SORL1: variants seen among roughly 807,000 people sequenced by gnomAD.
The protein encoded by SORL1 is sortilin-related receptor.
Under a neutral mutation model 273.7 loss-of-function variants are expected in SORL1, and 127 were observed. That is an observed-to-expected ratio of 0.46 (90% CI 0.40 to 0.54). SORL1 has a LOEUF of 0.54. SORL1 is among the 20% of genes least tolerant of loss of function. The pLI, the probability that SORL1 is intolerant of heterozygous loss-of-function variation, is 0.00. For synonymous variants in SORL1, 1,031 were observed against 1,067.4 expected (o/e 0.97, Z 0.66); for missense variants, 2,494 against 2,846.1 (o/e 0.88, Z 2.81).
At chr11:121,494,951 G>A (rs1861606399) in intron 5 of SORL1, among the ~76,000 whole-genome samples, 1 of 152,188 alleles carries the variant, frequency 6.6e-6, no homozygotes, top group Non-Finnish European at 1.5e-5. Flanking sequence ...GCCCACACAT[G>A]CACACAGAGG....
chr11:121,540,533 A>AAAAAAAAAAAAAAAAAAAAAAAAAAAG (rs1185886851), intron 12 of SORL1, among the ~76,000 whole-genome samples: 1 of 150,614 alleles, frequency 6.6e-6, no homozygotes, highest in Non-Finnish European at 1.5e-5. Context: ...AAAAAAAAAA[A>AAAAAAAAAAAAAAAAAAAAAAAAAAAG]AAAGAATGCA....
Position 121,604,267 on chromosome 11 carries a change from G to C in SORL1, c.4594G>C (p.Glu1532Gln). Residue 1532 changes from glutamate to glutamine, a missense_variant, in exon 33 of 48, where the codon GAG (glutamate) becomes CAG (glutamine). Physicochemically the swap from Glu to Gln is conservative, Grantham distance 29. Around this residue, in one of 3 missense-constraint regions of SORL1, gnomAD observed 1,609 missense variants for 1,816.4 expected, o/e 0.89. Coordinates refer to ENST00000260197, the MANE Select transcript of SORL1 (RefSeq NM_003105.6). ...EDGEACIVLS[E>Q]RCDGFLDCSD... ...CGGGGAGGCCTGCATTGTGCTCTCG[G>C]AGCGCTGCGACGGCTTCCTGGACTG... 1.2e-6 allele frequency: 2 copies of C among 1,614,096 alleles called. No homozygotes were observed. The highest frequency in any genetic ancestry group is 1.7e-6 in the Non-Finnish European group (2 of 1,180,026).
At chr11:121,553,906 CA>C in intron 16 of SORL1, 30 bp from the exon 17 acceptor site, 1 of 1,598,636 alleles carries the variant, frequency 6.3e-7, no homozygotes. Flanking sequence ...CCCCTGGGTC[CA>C]ACCTCCCACG....
chr11:121,501,458 C>A (rs968517474), intron 6 of SORL1, among the ~76,000 whole-genome samples: 2 of 152,110 alleles, frequency 1.3e-5, no homozygotes, highest in Non-Finnish European at 1.5e-5. Flanking sequence ...TAATGGAAAT[C>A]ATACAATTTG....
At chr11:121,555,146 T>C (rs1334976259) in intron 17 of SORL1, 41 bp from the exon 18 acceptor site, 1 of 1,582,350 alleles carries the variant, frequency 6.3e-7, no homozygotes, top group Non-Finnish European at 8.6e-7. Flanking sequence ...GGGGGTCGTT[T>C]GAACAGTTCC....
chr11:121,532,377 G>T (rs1032633793), intron 11 of SORL1, 87 bp from the exon 12 acceptor site: 2 of 1,154,286 alleles, frequency 1.7e-6, no homozygotes, highest in Non-Finnish European at 2.6e-6. Flanking sequence ...CTATGTGCAC[G>T]TGTGTGCATG....
intron 12 of SORL1, among the ~76,000 whole-genome samples, chr11:121,538,660 G>T (rs1348735067): frequency 2.0e-5 from 3 of 150,848 alleles, no homozygotes; most frequent in Non-Finnish European, 3.0e-5. Flanking sequence ...ATTTTTTTTT[G>T]GTTTGAATTG....
At chr11:121,459,162 G>C (rs1860951856) in intron 1 of SORL1, among the ~76,000 whole-genome samples, 1 of 152,228 alleles carries the variant, frequency 6.6e-6, no homozygotes, top group Admixed American at 6.5e-5. Context: ...CCATTGAGCA[G>C]GTGAAATGTG....
intron 24 of SORL1, among the ~76,000 whole-genome samples, chr11:121,574,752 G>A (rs1404305038): frequency 2.6e-5 from 4 of 152,124 alleles, no homozygotes; most frequent in Non-Finnish European, 5.9e-5. Flanking sequence ...ATTAGCCTTT[G>A]TTTTCTAGTC....
chr11:121,511,037 T>G (rs1052304746), intron 6 of SORL1, among the ~76,000 whole-genome samples: 3 of 152,142 alleles, frequency 2.0e-5, no homozygotes, highest in African/African-American at 7.2e-5. Context: ...TAATCACTAG[T>G]GTGCCATAGT....
chr11:121,570,192 A>G lies in SORL1; in HGVS notation c.3259A>G (p.Asn1087Asp), dbSNP rs767195946. 2 of 1,614,074 alleles carry G rather than the reference A, an allele frequency of 1.2e-6. No homozygotes were observed. The highest frequency in any genetic ancestry group is 1.7e-6 in the Non-Finnish European group (2 of 1,179,916). Residue 1087 changes from asparagine (N) to aspartate (D), a missense_variant, in exon 23 of 48, where the codon AAC (asparagine) becomes GAC (aspartate). Physicochemically the swap from Asn to Asp is conservative, Grantham distance 23. Transcript: ENST00000260197. Reference sequence around the variant, plus strand: ...TCTTCGCAACCAGTATCGCTGCAGCAACGGGAACTGTATCAACAGCATTTG... The same window carrying G: ...TCTTCGCAACCAGTATCGCTGCAGCGACGGGAACTGTATCAACAGCATTTG... Reference protein sequence around the residue: ...TCLRNQYRCSNGNCINSIWWC... With the variant: ...TCLRNQYRCSDGNCINSIWWC...
At chr11:121,497,479 T>G (rs1231713957) in intron 6 of SORL1, among the ~76,000 whole-genome samples, 1 of 152,222 alleles carries the variant, frequency 6.6e-6, no homozygotes, top group African/African-American at 2.4e-5. Context: ...TCAATTTACA[T>G]GGCTAATAGG....
chr11:121,465,410 T>G (rs1324857412), intron 1 of SORL1, among the ~76,000 whole-genome samples: 2 of 152,098 alleles, frequency 1.3e-5, no homozygotes, highest in Non-Finnish European at 2.9e-5. Context: ...CCGCCAAAAA[T>G]GGTACATCTT....
intron 16 of SORL1, among the ~76,000 whole-genome samples, chr11:121,551,353 C>T (rs1862504761): frequency 6.6e-6 from 1 of 152,042 alleles, no homozygotes; most frequent in African/African-American, 2.4e-5. Flanking sequence ...ATTATGCATG[C>T]TAATTAAGAA....
chr11:121,492,889 C>T (rs560696010), intron 5 of SORL1, among the ~76,000 whole-genome samples: 46 of 150,756 alleles, frequency 3.1e-4, no homozygotes, highest in East Asian at 3.0e-3. Context: ...CTGCAACCTC[C>T]GTCTCCAGGG....
chr11:121,479,718 G>T (rs1038861505), intron 3 of SORL1, among the ~76,000 whole-genome samples: 11 of 152,152 alleles, frequency 7.2e-5, no homozygotes, highest in Admixed American at 7.2e-4. Context: ...TCAGGGCAGC[G>T]GCTGTTGACC....
Position 121,570,214 on chromosome 11 carries a change from T to C in SORL1, c.3281T>C (p.Ile1094Thr). Residue 1094 changes from isoleucine (I) to threonine (T), a missense_variant, in exon 23 of 48, where the codon ATT becomes ACT. This residue lies in a region of SORL1 where 1,609 missense variants were observed against 1,816.4 expected (regional missense o/e 0.89). Transcript: ENST00000260197. ...AGCAACGGGAACTGTATCAACAGCA[T>C]TTGGTGGTGTGACTTTGACAACGAC... Reference protein sequence around the residue: ...RCSNGNCINSIWWCDFDNDCG... With the variant: ...RCSNGNCINSTWWCDFDNDCG... 1 of 1,613,940 alleles carries C rather than the reference T, an allele frequency of 6.2e-7. No homozygotes were observed. The highest frequency in any genetic ancestry group is 1.1e-5 in the South Asian group (1 of 91,072).
intron 23 of SORL1, among the ~76,000 whole-genome samples, chr11:121,571,850 G>A (rs187058868): frequency 3.0e-4 from 46 of 152,296 alleles, no homozygotes; most frequent in African/African-American, 1.1e-3. Flanking sequence ...GGCAGATTTG[G>A]GAAAGCACTA....
At chr11:121,604,165 G>C (rs1261529892) in intron 32 of SORL1, 28 bp from the exon 33 acceptor site, 1 of 1,612,466 alleles carries the variant, frequency 6.2e-7, no homozygotes, top group East Asian at 2.2e-5. Flanking sequence ...CCCTCCCCGT[G>C]GACTTAAGAA....
Sources: allele counts gnomAD v4.1 joint callset (sites outside exome capture counted in the v4.1 genomes callset), GRCh38; gene constraint gnomAD v4.1.1; regional missense constraint gnomAD v4.1.1; transcripts MANE v1.5; gene names NCBI Gene and HGNC (gene_info 2026-07-23, HGNC 2026-07-21).